Variants in GRID2 observed in about 807,000 individuals in gnomAD.
GRID2 encodes glutamate receptor ionotropic, delta-2.
A neutral mutation model predicts 114.8 loss-of-function variants in GRID2; 33 were observed. The ratio of observed to expected loss-of-function variants is 0.29; its 90% CI spans 0.22 to 0.38. The LOEUF is 0.38. Among genes scored for constraint, GRID2 ranks in the 10% least tolerant of loss-of-function variants. The pLI is 1.00. For missense variants in GRID2, 1,184 were observed against 1,257.7 expected, an observed-to-expected ratio of 0.94 and a Z score of 0.89; for synonymous variants, 505 against 449.9, an observed-to-expected ratio of 1.12 and a Z score of -1.55.
At chr4:93,065,787 T>C (rs1728239521) in intron 2 of GRID2, among the ~76,000 whole-genome samples, 1 of 151,924 alleles carries the variant, frequency 6.6e-6, no homozygotes, top group African/African-American at 2.4e-5. Context: ...AGTTCATTTT[T>C]CCTTATGGTT....
intron 2 of GRID2, among the ~76,000 whole-genome samples, chr4:92,882,248 A>G (rs1746078393): frequency 6.6e-6 from 1 of 152,180 alleles, no homozygotes; most frequent in African/African-American, 2.4e-5. Context: ...ACGCTGCAAT[A>G]TGGTTTGATT....
intron 8 of GRID2, among the ~76,000 whole-genome samples, chr4:93,361,288 A>C (rs1330419129): frequency 6.6e-6 from 1 of 151,992 alleles, no homozygotes; most frequent in Non-Finnish European, 1.5e-5. Context: ...TTTGAACCCA[A>C]GCTCTCTGTC....
At chr4:92,804,327 G>A (rs1249247648) in intron 2 of GRID2, among the ~76,000 whole-genome samples, 1 of 151,876 alleles carries the variant, frequency 6.6e-6, no homozygotes. Context: ...ATAATTCAGA[G>A]ATAACCATTA....
At chr4:93,791,818 A>G (rs1210525073) in intron 1 of GRID2, among the ~76,000 whole-genome samples, 1 of 148,056 alleles carries the variant, frequency 6.8e-6, no homozygotes, top group East Asian at 1.9e-4. Context: ...TTGAGAGTTT[A>G]GCTTTAAATT....
chr4:92,680,308 A>G (rs1733588627), intron 2 of GRID2, among the ~76,000 whole-genome samples: 1 of 152,090 alleles, frequency 6.6e-6, no homozygotes, highest in African/African-American at 2.4e-5. Flanking sequence ...CTAACAACTT[A>G]ATTTTACCAT....
intron 1 of GRID2, among the ~76,000 whole-genome samples, chr4:92,410,594 G>T (rs538045517): frequency 2.6e-4 from 40 of 152,252 alleles, no homozygotes; most frequent in African/African-American, 9.6e-4. Context: ...GGTGGGCTAA[G>T]AGCTTGAATT....
chr4:92,667,936 CT>C (rs1732870923), intron 2 of GRID2, among the ~76,000 whole-genome samples: 1 of 151,742 alleles, frequency 6.6e-6, no homozygotes, highest in Admixed American at 6.6e-5. Context: ...AGATTATGAC[CT>C]TTTCTAAATG....
chr4:93,776,378 C>T (rs1228581794), downstream of GRID2, among the ~76,000 whole-genome samples: 2 of 152,194 alleles, frequency 1.3e-5, no homozygotes, highest in South Asian at 2.1e-4. Flanking sequence ...ACTTATCTGA[C>T]ACTGAAAAGT....
At chr4:93,530,323 G>C (rs936924952) in intron 13 of GRID2, among the ~76,000 whole-genome samples, 2 of 152,030 alleles carry the variant, frequency 1.3e-5, no homozygotes, top group African/African-American at 4.8e-5. Context: ...CTATAGGTTG[G>C]TATTATTCTG....
intron 2 of GRID2, among the ~76,000 whole-genome samples, chr4:92,675,551 ATTTTTT>A (rs576488084): frequency 7.5e-6 from 1 of 133,012 alleles, no homozygotes; most frequent in African/African-American, 2.8e-5. Flanking sequence ...TTGGGCTACA[ATTTTTT>A]TTTTTTTTTT....
At chr4:93,559,784 G>A (rs902194818) in intron 13 of GRID2, among the ~76,000 whole-genome samples, 4 of 152,152 alleles carry the variant, frequency 2.6e-5, no homozygotes, top group Admixed American at 2.6e-4. Flanking sequence ...GCACAAGTAT[G>A]TTTATTGCAG....
At chr4:93,339,389 G>T (rs1759414255) in intron 8 of GRID2, among the ~76,000 whole-genome samples, 1 of 152,158 alleles carries the variant, frequency 6.6e-6, no homozygotes, top group Admixed American at 6.5e-5. Flanking sequence ...GAGACACACA[G>T]GGAGGATTTC....
chr4:92,791,777 G>A (rs1394144057), intron 2 of GRID2, among the ~76,000 whole-genome samples: 2 of 151,662 alleles, frequency 1.3e-5, no homozygotes, highest in Non-Finnish European at 2.9e-5. Context: ...CTTTCTTTAG[G>A]CAGAACTTTA....
chr4:93,674,755 T>C (rs1354836298), intron 14 of GRID2, among the ~76,000 whole-genome samples: 1 of 152,108 alleles, frequency 6.6e-6, no homozygotes, highest in Non-Finnish European at 1.5e-5. Context: ...AAATATATTT[T>C]CTTTATTGCC....
intron 2 of GRID2, among the ~76,000 whole-genome samples, chr4:92,943,649 G>A (rs1751362321): frequency 6.6e-6 from 1 of 152,162 alleles, no homozygotes; most frequent in African/African-American, 2.4e-5. Flanking sequence ...GAGGAGGAGA[G>A]GTGCTCTGAC....
chr4:93,165,850 G>A (rs1487194612), intron 4 of GRID2, among the ~76,000 whole-genome samples: 3 of 152,022 alleles, frequency 2.0e-5, no homozygotes. Context: ...ACCACAAATA[G>A]GGAGCAGAAA....
At chr4:93,666,880 A>G (rs1429207477) in intron 14 of GRID2, among the ~76,000 whole-genome samples, 24 of 152,108 alleles carry the variant, frequency 1.6e-4, no homozygotes, top group Non-Finnish European at 1.5e-5. Flanking sequence ...GAAGGAAAAA[A>G]CAAAATCTTT....
intron 4 of GRID2, among the ~76,000 whole-genome samples, chr4:93,186,004 T>C (rs1740380606): frequency 6.6e-6 from 1 of 152,132 alleles, no homozygotes; most frequent in African/African-American, 2.4e-5. Flanking sequence ...GTGTTTGGTT[T>C]TCTGTTCTTG....
At chr4:92,876,542 G>A (rs1318498723) in intron 2 of GRID2, among the ~76,000 whole-genome samples, 1 of 152,030 alleles carries the variant, frequency 6.6e-6, no homozygotes, top group Admixed American at 6.6e-5. Flanking sequence ...CTAACCTTGT[G>A]GAGACGCCCA....
Sources: gnomAD v4.1 joint callset for allele counts (sites outside exome capture counted in the v4.1 genomes callset) on GRCh38, gnomAD v4.1.1 for gene constraint, MANE v1.5 for transcripts, NCBI Gene and HGNC (gene_info 2026-07-23, HGNC 2026-07-21) for gene names.